Variants in BDP1 observed in about 807,000 individuals in gnomAD.
The protein encoded by BDP1 is transcription factor TFIIIB component B'' homolog.
In BDP1, 169 loss-of-function variants were observed where a neutral mutation model predicts 266.6. That is an observed-to-expected ratio of 0.63 (90% CI 0.56 to 0.72). The LOEUF (loss-of-function observed/expected upper bound fraction) is 0.72. BDP1 is among the 30% of genes least tolerant of loss of function. BDP1 has a pLI of 0.00. For synonymous variants in BDP1, 1,090 were observed against 1,022.4 expected (o/e 1.07, Z -1.26); for missense variants, 3,015 against 3,053.8 (o/e 0.99, Z 0.30).
chr5:71,508,089 C>A (rs955945449), intron 16 of BDP1, among the ~76,000 whole-genome samples: 1 of 151,998 alleles, frequency 6.6e-6, no homozygotes, highest in Non-Finnish European at 1.5e-5. Flanking sequence ...TTTAGCCTCC[C>A]ATGTAGCTGA....
At chr5:71,470,547 G>T in intron 7 of BDP1, 58 bp downstream of exon 7, 1 of 1,093,244 alleles carries the variant, frequency 9.1e-7, no homozygotes, top group Non-Finnish European at 1.4e-6. Context: ...ACAAATGTTA[G>T]TAGTATTATT....
intron 10 of BDP1, 80 bp downstream of exon 10, chr5:71,489,762 C>A: frequency 1.6e-6 from 2 of 1,246,596 alleles, no homozygotes; most frequent in Non-Finnish European, 2.2e-6. Flanking sequence ...ACTTAATTTT[C>A]TGTCTAGATA....
chr5:71,576,649 G>A, the BDP1 span, among the ~76,000 whole-genome samples: 1 of 152,152 alleles, frequency 6.6e-6, no homozygotes, highest in Non-Finnish European at 1.5e-5. Flanking sequence ...TTGTGGATTG[G>A]GGACCTAAAG....
the BDP1 span, among the ~76,000 whole-genome samples, chr5:71,578,215 A>G: frequency 2.6e-5 from 4 of 152,142 alleles, no homozygotes; most frequent in Non-Finnish European, 5.9e-5. Context: ...CCTAATAAAT[A>G]TGGAGGGCTG....
chr5:71,537,509 C>CA (rs767908072), intron 26 of BDP1: 43 of 172,412 alleles, frequency 2.5e-4, no homozygotes, highest in Non-Finnish European at 4.1e-4. Flanking sequence ...AGAAGGGAGA[C>CA]AGGTACTATT....
chr5:71,574,360 CCT>C, the BDP1 span, among the ~76,000 whole-genome samples: 5 of 152,298 alleles, frequency 3.3e-5, no homozygotes, highest in South Asian at 1.0e-3. Context: ...ATGGCACCCC[CCT>C]GTCAGGAAAC....
intron 25 of BDP1, among the ~76,000 whole-genome samples, chr5:71,526,636 A>AAAT: frequency 6.7e-6 from 1 of 148,964 alleles, no homozygotes; most frequent in South Asian, 2.1e-4. Context: ...AAAAAAAAAA[A>AAAT]GAAGAGTGCT....
intron 35 of BDP1, among the ~76,000 whole-genome samples, chr5:71,555,658 C>T (rs899770165): frequency 4.6e-5 from 7 of 152,048 alleles, no homozygotes; most frequent in Non-Finnish European, 1.0e-4. Context: ...AGGCTGGTCT[C>T]GAACTCCGGA....
intron 25 of BDP1, among the ~76,000 whole-genome samples, chr5:71,531,283 A>G (rs754522022): frequency 6.6e-6 from 1 of 152,208 alleles, no homozygotes; most frequent in Non-Finnish European, 1.5e-5. Context: ...AAAAAATAAG[A>G]TAATAAGAAC....
Position 71,549,029 on chromosome 5 carries a change from A to G in BDP1, c.6808+284A>G, listed in dbSNP as rs1043625007. The stretch of plus-strand genomic sequence containing the variant: ...GGAGGTGGGTAGATCACTTGAGGCC[A>G]GGAGTTCGAGACCAGCCTGGCCAAC... On this transcript the variant is annotated intron_variant, in intron 33 of 38. Transcript: ENST00000358731. 8.5e-5 allele frequency among the ~76,000 whole-genome samples: 13 copies of G among 152,148 alleles called. 1 individual carries two copies. The highest frequency in any genetic ancestry group is 2.4e-4 in the African/African-American group (10 of 41,420).
intron 8 of BDP1, among the ~76,000 whole-genome samples, chr5:71,485,000 G>T (rs986040194): frequency 2.6e-5 from 4 of 152,092 alleles, no homozygotes; most frequent in Non-Finnish European, 4.4e-5. Flanking sequence ...CTGGAATATT[G>T]TGCTCCTCAG....
rs370261571 is a variant in BDP1, at chr5:71,461,958, CTTT to C, written c.599+51_599+53del. 0.014 allele frequency: 6,330 copies of C among 437,266 alleles called. No individual in the cohort carries two copies. The highest frequency in any genetic ancestry group is 0.018 in the Middle Eastern group (23 of 1,258). The allele number at this position is 437,266 out of a possible 1,614,324, so 27.1% of individuals were successfully genotyped here. Reference sequence around the variant, plus strand: ...AAAATTTATTTCTGCTTTACTATCTCTTTTTTTTTTTTTTTTTTTTTGGAGGTG... The same window carrying C: ...AAAATTTATTTCTGCTTTACTATCTCTTTTTTTTTTTTTTTTTTGGAGGTG... On this transcript the variant is annotated intron_variant, in intron 3 of 38. Coordinates refer to ENST00000358731, the MANE Select transcript of BDP1 (RefSeq NM_018429.3).
At chr5:71,468,143 C>G (rs1762014566) in intron 6 of BDP1, among the ~76,000 whole-genome samples, 1 of 152,070 alleles carries the variant, frequency 6.6e-6, no homozygotes, top group Non-Finnish European at 1.5e-5. Flanking sequence ...CTCAGCTTCC[C>G]AAGTAGCTGG....
chr5:71,531,073 CA>C (rs374795676), intron 25 of BDP1, among the ~76,000 whole-genome samples: 10 of 148,092 alleles, frequency 6.8e-5, no homozygotes, highest in African/African-American at 2.2e-4. Context: ...GGCTTTGTCT[CA>C]AAAAAAAAAT....
rs972055775 is a variant in BDP1, at chr5:71,539,472, T to C, written c.5930-85T>C. ...GATATTGGAATCTGCTCCTAGGAGA[T>C]AAACACCTTAATTAAAAATCTTTTT... is the stretch of plus-strand genomic sequence containing the variant. On this transcript the variant is annotated intron_variant, in intron 27 of 38. Coordinates refer to ENST00000358731, the MANE Select transcript of BDP1 (RefSeq NM_018429.3). 5 of 1,039,656 alleles carry C rather than the reference T, an allele frequency of 4.8e-6. No individual in the cohort carries two copies. In the African/African-American group the frequency reaches 7.9e-5, roughly 16 times the overall value. The allele number at this position is 1,039,656 out of a possible 1,614,324, so 64.4% of individuals were successfully genotyped here.
At chr5:71,525,820 G>A (rs1159729081) in intron 25 of BDP1, among the ~76,000 whole-genome samples, 16 of 148,812 alleles carry the variant, frequency 1.1e-4, no homozygotes, top group African/African-American at 4.0e-4. Flanking sequence ...TGGGCGGAGG[G>A]GCTCCTCACT....
chr5:71,516,453 C>T (rs556413642), intron 21 of BDP1, among the ~76,000 whole-genome samples, 182 bp downstream of exon 21: 214 of 151,694 alleles, frequency 1.4e-3, no homozygotes, highest in Non-Finnish European at 2.6e-3. Flanking sequence ...AGATTTATTT[C>T]TTTTCTAATT....
chr5:71,506,115 ATTC>A (rs1309464387), intron 16 of BDP1, among the ~76,000 whole-genome samples: 1 of 152,180 alleles, frequency 6.6e-6, no homozygotes, highest in Non-Finnish European at 1.5e-5. Flanking sequence ...CTAACAAATT[ATTC>A]TTTTTATTTA....
chr5:71,463,573 G>C (rs1394581303), intron 3 of BDP1, among the ~76,000 whole-genome samples: 1 of 152,160 alleles, frequency 6.6e-6, no homozygotes, highest in African/African-American at 2.4e-5. Context: ...TGTAATCTCA[G>C]TGTTTTGGGA....
Sources: gnomAD v4.1 joint callset for allele counts (sites outside exome capture counted in the v4.1 genomes callset) on GRCh38, gnomAD v4.1.1 for gene constraint, MANE v1.5 for transcripts, NCBI Gene and HGNC (gene_info 2026-07-23, HGNC 2026-07-21) for gene names.